PJA2: variants seen among roughly 807,000 people sequenced by gnomAD.
PJA2 encodes praja ring finger ubiquitin ligase 2.
A neutral mutation model predicts 69.3 loss-of-function variants in PJA2; 25 were observed. The observed-to-expected ratio is 0.36, with a 90% CI of 0.26 to 0.50. The LOEUF is 0.50. PJA2 is among the 20% of genes least tolerant of loss of function. PJA2 has a pLI of 0.96. For synonymous variants in PJA2, 308 were observed against 277.8 expected (o/e 1.11, Z -1.08); for missense variants, 809 against 830.2 (o/e 0.97, Z 0.31).
At chr5:109,347,007 A>C (rs1040633471) in intron 7 of PJA2, among the ~76,000 whole-genome samples, 4 of 152,212 alleles carry the variant, frequency 2.6e-5, no homozygotes, top group East Asian at 1.9e-4. Context: ...TATTCCCAAA[A>C]AGAATTTGAG....
chr5:109,340,887 C>A (rs1210293869), intron 9 of PJA2, among the ~76,000 whole-genome samples: 2 of 98,940 alleles, frequency 2.0e-5, no homozygotes, highest in East Asian at 4.0e-4. Context: ...AGTGATCCGC[C>A]AACCTCGACC....
chr5:109,402,129 T>C (rs1747567555), intron 1 of PJA2, among the ~76,000 whole-genome samples: 1 of 152,110 alleles, frequency 6.6e-6, no homozygotes, highest in Admixed American at 6.5e-5. Context: ...GTGTAAGTAG[T>C]GAGCCAATGG....
intron 5 of PJA2, among the ~76,000 whole-genome samples, chr5:109,363,483 T>A (rs1762532683): frequency 6.6e-6 from 1 of 152,226 alleles, no homozygotes; most frequent in South Asian, 2.1e-4. Context: ...ACTATGCTCC[T>A]ACTGTTCTTC....
At position 109,338,708 on chromosome 5, in the gene PJA2, C is replaced by T. The variant is rs148900800; in HGVS notation, c.2002-1352G>A. 2.6e-5 allele frequency among the ~76,000 whole-genome samples: 4 copies of T among 151,560 alleles called. No homozygotes were observed. In the East Asian group the frequency reaches 7.7e-4, roughly 29 times the overall value. On this transcript the variant is annotated intron_variant, in intron 9 of 9. Transcript: ENST00000361189. ...TTGTGTACTTGCCATACAGATTGGG[C>T]CCCAACAATAACATTTTAGAGTCAA... is the stretch of plus-strand genomic sequence containing the variant.
At chr5:109,388,807 A>C (rs966818643) in intron 1 of PJA2, among the ~76,000 whole-genome samples, 1 of 152,170 alleles carries the variant, frequency 6.6e-6, no homozygotes, top group African/African-American at 2.4e-5. Context: ...AATGCCCTAA[A>C]AACATTTAAA....
At chr5:109,399,053 AAC>A (rs1747482812) in intron 1 of PJA2, among the ~76,000 whole-genome samples, 1 of 151,976 alleles carries the variant, frequency 6.6e-6, no homozygotes, top group South Asian at 2.1e-4. Context: ...CTCTACTAAA[AAC>A]ACAAAATTAG....
intron 1 of PJA2, among the ~76,000 whole-genome samples, chr5:109,387,346 G>C (rs1177907791): frequency 6.6e-6 from 1 of 152,004 alleles, no homozygotes; most frequent in Non-Finnish European, 1.5e-5. Context: ...AAGAAAAAAA[G>C]CAAAACAGGG....
At chr5:109,384,409 T>C (rs542090409) in intron 1 of PJA2, among the ~76,000 whole-genome samples, 20 of 152,182 alleles carry the variant, frequency 1.3e-4, no homozygotes, top group Non-Finnish European at 2.6e-4. Context: ...ATGGAACAAA[T>C]ACAAAAAGAA....
intron 4 of PJA2, among the ~76,000 whole-genome samples, chr5:109,376,223 T>C (rs1746882298): frequency 6.9e-6 from 1 of 145,846 alleles, no homozygotes; most frequent in South Asian, 2.2e-4. Flanking sequence ...TTCTATTAAC[T>C]GTAAATGTTT....
rs561769197 is a variant in PJA2 at position 109,373,571 on chromosome 5, T to C, written c.1283+4633A>G. Among the ~76,000 whole-genome samples the C allele has an allele frequency of 3.3e-5, 5 of 151,980 alleles. No individual in the cohort carries two copies. In the East Asian group the frequency reaches 9.7e-4, roughly 29 times the overall value. On this transcript the variant is annotated intron_variant, in intron 4 of 9. Transcript: ENST00000361189. ...GATTTAAAAATCACTTTTTAAGGAG[T>C]AAGCAACAGAACAAATAGGACACAA... is the stretch of plus-strand genomic sequence containing the variant.
intron 1 of PJA2, among the ~76,000 whole-genome samples, chr5:109,402,939 G>GA (rs1007330518): frequency 2.6e-5 from 4 of 151,424 alleles, no homozygotes; most frequent in African/African-American, 9.7e-5. Context: ...GGAAGGAAAA[G>GA]AAAAAAGGTC....
intron 7 of PJA2, among the ~76,000 whole-genome samples, chr5:109,353,454 AT>A (rs1203226212): frequency 2.5e-5 from 3 of 120,928 alleles, no homozygotes; most frequent in Non-Finnish European, 5.4e-5. Context: ...ATATCTATAT[AT>A]TAGATACCTA....
At position 109,383,304 on chromosome 5, in the gene PJA2, A is replaced by C. The variant is rs564604917; in HGVS notation, c.31+99T>G. The C allele has an allele frequency of 4.3e-5, 44 of 1,018,004 alleles. No homozygotes were observed. The African/African-American group carries it at 6.5e-4, about 15-fold the overall frequency. The allele number at this position is 1,018,004 out of a possible 1,614,324, so 63.1% of individuals were successfully genotyped here. ...ATGGATCAAAACCAGCCTTTTAGTA[A>C]GACCACAGGTCAGATGATCATATGT... is the stretch of plus-strand genomic sequence containing the variant. On this transcript the variant is annotated intron_variant, in intron 2 of 9. Coordinates refer to ENST00000361189, the MANE Select transcript of PJA2 (RefSeq NM_014819.5).
chr5:109,379,496 A>G (rs1278723426), intron 3 of PJA2, among the ~76,000 whole-genome samples: 4 of 152,204 alleles, frequency 2.6e-5, no homozygotes, highest in South Asian at 4.1e-4. Context: ...GCAGTTTTCT[A>G]TCTAAATCCT....
intron 1 of PJA2, among the ~76,000 whole-genome samples, chr5:109,405,187 T>C (rs1747655020): frequency 6.6e-6 from 1 of 152,222 alleles, no homozygotes; most frequent in Non-Finnish European, 1.5e-5. Flanking sequence ...TTATCACTTA[T>C]AATGGTATCA....
rs1194852969 is a variant in PJA2, at chr5:109,336,627, G to C, written c.*604C>G. On this transcript the variant is annotated 3_prime_UTR_variant, in exon 10 of 10. Transcript: ENST00000361189. ...ACTACCTAACTTTATTTCAGGGGGA[G>C]TTACGTCTACGATTTAAAACTTTTG... 6.6e-6 allele frequency: 1 copy of C among 152,120 alleles called. No individual in the cohort carries two copies. Among genetic ancestry groups the C allele is most frequent in the South Asian group, 2.1e-4 (1 of 4,832 alleles). 9.4% of individuals were successfully genotyped at this position (152,120 alleles called of 1,614,324 possible). A position where few individuals can be genotyped will look rare whatever the true frequency, so the allele number is the denominator to read the frequency against.
At chr5:109,359,906 A>C (rs1044540903) in intron 6 of PJA2, among the ~76,000 whole-genome samples, 1 of 152,216 alleles carries the variant, frequency 6.6e-6, no homozygotes, top group African/African-American at 2.4e-5. Context: ...TCATTCTAGA[A>C]TAATTACAAG....
rs186837438 is a variant in PJA2 at position 109,336,333 on chromosome 5, C to T, written c.*898G>A. The T allele has an allele frequency of 1.6e-4, 25 of 152,276 alleles. No homozygotes were observed. Among genetic ancestry groups the T allele is most frequent in the Admixed American group, 1.3e-3 (20 of 15,296 alleles). The allele number at this position is 152,276 out of a possible 1,614,324, so 9.4% of individuals were successfully genotyped here. On this transcript the variant is annotated 3_prime_UTR_variant, in exon 10 of 10. Transcript: ENST00000361189. ...TGGGGTTATATAATTACAAAGATGACCCTGTGCAAGTTTTCAGACCTTCCA... is the reference window on the plus strand; with the variant it reads ...TGGGGTTATATAATTACAAAGATGATCCTGTGCAAGTTTTCAGACCTTCCA...
At chr5:109,337,961 T>C (rs1218327038) in intron 9 of PJA2, among the ~76,000 whole-genome samples, 3 of 152,060 alleles carry the variant, frequency 2.0e-5, no homozygotes, top group African/African-American at 7.2e-5. Context: ...ATAAGAGTGT[T>C]AGGTGCCTTC....
Sources: gnomAD v4.1 joint callset for allele counts (sites outside exome capture counted in the v4.1 genomes callset) on GRCh38, gnomAD v4.1.1 for gene constraint, MANE v1.5 for transcripts, NCBI Gene and HGNC (gene_info 2026-07-23, HGNC 2026-07-21) for gene names.